Variants in HNRNPR observed in about 807,000 individuals in gnomAD.
HNRNPR encodes the protein heterogeneous nuclear ribonucleoprotein R.
A neutral mutation model predicts 70.3 loss-of-function variants in HNRNPR; 4 were observed. That is an observed-to-expected ratio of 0.06 (90% CI 0.03 to 0.13). The LOEUF is 0.13. HNRNPR is among the 10% of genes least tolerant of loss of function. The probability of loss-of-function intolerance (pLI) is 1.00; values close to 1 mark genes in which losing one functional copy is unlikely to be tolerated. For synonymous variants in HNRNPR, 241 were observed against 267.6 expected (o/e 0.90, Z 0.97); for missense variants, 423 against 788.5 (o/e 0.54, Z 5.55).
chr1:23,336,838 G>C (rs1646512872), intron 4 of HNRNPR, among the ~76,000 whole-genome samples: 1 of 151,568 alleles, frequency 6.6e-6, no homozygotes, highest in African/African-American at 2.4e-5. Context: ...TAAGGAATTA[G>C]GTTCACTGGT....
intron 5 of HNRNPR, among the ~76,000 whole-genome samples, chr1:23,331,332 TGG>T (rs142936859): frequency 0.04 from 5,816 of 145,650 alleles, 364 homozygotes; most frequent in African/African-American, 0.14. Context: ...GAGACCAAAG[TGG>T]GAAGATCACT....
At chr1:23,324,190 A>G (rs1645869346) in intron 5 of HNRNPR, among the ~76,000 whole-genome samples, 1 of 151,732 alleles carries the variant, frequency 6.6e-6, no homozygotes, top group Non-Finnish European at 1.5e-5. Flanking sequence ...TAAAAATAAA[A>G]ATGAATAAAA....
chr1:23,343,507 C>A (rs1203101463), intron 1 of HNRNPR, among the ~76,000 whole-genome samples: 1 of 152,222 alleles, frequency 6.6e-6, no homozygotes, highest in Non-Finnish European at 1.5e-5. Context: ...AATACGGCCA[C>A]TACCGTGTAA....
intron 8 of HNRNPR, among the ~76,000 whole-genome samples, chr1:23,313,942 C>T (rs1477737004): frequency 6.6e-6 from 1 of 152,080 alleles, no homozygotes; most frequent in African/African-American, 2.4e-5. Flanking sequence ...TGAGTAGAAC[C>T]TTCAAGGAAC....
chr1:23,331,404 T>TGAAAAAAAAAAA (rs1646216263), intron 5 of HNRNPR, among the ~76,000 whole-genome samples: 1 of 13,458 alleles, frequency 7.4e-5, no homozygotes, highest in African/African-American at 1.8e-4. Flanking sequence ...CCACAAAAAA[T>TGAAAAAAAAAAA]TAAAAAAAAA....
chr1:23,319,190 T>C (rs1440025066), intron 7 of HNRNPR, among the ~76,000 whole-genome samples: 1 of 152,230 alleles, frequency 6.6e-6, no homozygotes, highest in Non-Finnish European at 1.5e-5. Flanking sequence ...TCTTTCTAAA[T>C]AATGTCAGCT....
chr1:23,321,707 T>C lies in HNRNPR; in HGVS notation c.676-44A>G, dbSNP rs754725819. 5.8e-6 allele frequency: 9 copies of C among 1,559,662 alleles called. No individual in the cohort carries two copies. The Admixed American group carries it at 9.9e-5, about 17-fold the overall frequency. On this transcript the variant is annotated intron_variant, in intron 6 of 10. Transcript: ENST00000302271. ...CAGAGACCCCAAAACCACCCCAAACTCAGGACAATTGATCTTAATCTAAAA... is the reference window on the plus strand; with the variant it reads ...CAGAGACCCCAAAACCACCCCAAACCCAGGACAATTGATCTTAATCTAAAA...
rs1645251470 is a variant in HNRNPR, at chr1:23,309,172, G to A, written c.*1282C>T. The A allele has an allele frequency of 6.6e-6, 1 of 152,068 alleles. No homozygotes were observed. The highest frequency in any genetic ancestry group is 1.5e-5 in the Non-Finnish European group (1 of 67,958). 9.4% of individuals were successfully genotyped at this position (152,068 alleles called of 1,614,324 possible). On this transcript the variant is annotated 3_prime_UTR_variant, in exon 11 of 11. Coordinates refer to ENST00000302271, the MANE Select transcript of HNRNPR (RefSeq NM_005826.5). Reference sequence around the variant, plus strand: ...AAAATAAACGAAGTGTTAACAGAAAGTCAAAGGTATTACTACTGGATATTT... The same window carrying A: ...AAAATAAACGAAGTGTTAACAGAAAATCAAAGGTATTACTACTGGATATTT...
intron 1 of HNRNPR, among the ~76,000 whole-genome samples, chr1:23,343,520 A>G (rs1646783292): frequency 6.6e-6 from 1 of 152,222 alleles, no homozygotes; most frequent in Admixed American, 6.5e-5. Flanking sequence ...CCGTGTAAGA[A>G]AAAGGATCGC....
At chr1:23,343,746 T>C (rs1350082663) in intron 1 of HNRNPR, among the ~76,000 whole-genome samples, 2 of 152,220 alleles carry the variant, frequency 1.3e-5, no homozygotes, top group Non-Finnish European at 2.9e-5. Flanking sequence ...CCCTGGGATC[T>C]GCACCCCGCC....
intron 2 of HNRNPR, among the ~76,000 whole-genome samples, chr1:23,338,924 A>G (rs1646606858): frequency 6.6e-6 from 1 of 152,238 alleles, no homozygotes; most frequent in African/African-American, 2.4e-5. Context: ...TGATGTACAT[A>G]CTGTATTACA....
At chr1:23,315,494 A>G (rs906205627) in intron 8 of HNRNPR, among the ~76,000 whole-genome samples, 3 of 152,066 alleles carry the variant, frequency 2.0e-5, no homozygotes, top group African/African-American at 7.3e-5. Flanking sequence ...AAGGTAGATC[A>G]GTGGATATGG....
At position 23,310,454 on chromosome 1, in the gene HNRNPR, C is replaced by T; in HGVS notation, c.1902G>A (p.Ter634=). 6.3e-7 allele frequency: 1 copy of T among 1,585,528 alleles called. No individual in the cohort carries two copies. The highest frequency in any genetic ancestry group is 8.6e-7 in the Non-Finnish European group (1 of 1,165,956). The stretch of plus-strand genomic sequence containing the variant: ...GTATCATTTTCAAGCCCTTACTTGT[C>T]TACTTCCACTGTTGCCCATAAGTAT... The part of the protein sequence containing the change: ...YQDTYGQQWK[*] The change falls in exon 11 of 11, where the codon TAG becomes TAA. Residue 634 remains the stop codon, a stop_retained_variant. Coordinates refer to ENST00000302271, the MANE Select transcript of HNRNPR (RefSeq NM_005826.5). The surrounding 1 kb of genome is among the most constrained non-coding windows in gnomAD (Gnocchi z 6.0).
chr1:23,338,848 C>T (rs1646603403), intron 2 of HNRNPR, among the ~76,000 whole-genome samples: 2 of 152,118 alleles, frequency 1.3e-5, no homozygotes, highest in Non-Finnish European at 2.9e-5. Flanking sequence ...ATCCACAAAC[C>T]TCCCCCGCCA....
intron 5 of HNRNPR, among the ~76,000 whole-genome samples, chr1:23,326,398 C>A (rs917717287): frequency 8.5e-5 from 13 of 152,160 alleles, no homozygotes; most frequent in Non-Finnish European, 1.6e-4. Context: ...CACACAGCAT[C>A]TATGTTCTCT....
At position 23,309,627 on chromosome 1, in the gene HNRNPR, A is replaced by C. The variant is rs1645262777; in HGVS notation, c.*827T>G. The C allele has an allele frequency of 6.6e-6, 1 of 152,604 alleles. No individual in the cohort carries two copies. Among genetic ancestry groups the C allele is most frequent in the Non-Finnish European group, 1.5e-5 (1 of 68,008 alleles). The allele number at this position is 152,604 out of a possible 1,614,324, so 9.5% of individuals were successfully genotyped here. On this transcript the variant is annotated 3_prime_UTR_variant, in exon 11 of 11. Transcript: ENST00000302271. ...TGGAATAAATACTTGAATTTAGACT[A>C]ATCCTCAGTCTAATATCCACAACAC...
At chr1:23,333,383 T>C (rs1191496821) in intron 5 of HNRNPR, 135 bp downstream of exon 5, 2 of 577,014 alleles carry the variant, frequency 3.5e-6, no homozygotes, top group Non-Finnish European at 3.1e-6. Context: ...AAAATACAAA[T>C]GGATATCTAA....
Position 23,310,444 on chromosome 1 carries a change from C to T in HNRNPR, c.*10G>A, listed in dbSNP as rs777943935. ...TATCTTGCCAGTATCATTTTCAAGCCCTTACTTGTCTACTTCCACTGTTGC... is the reference window on the plus strand; with the variant it reads ...TATCTTGCCAGTATCATTTTCAAGCTCTTACTTGTCTACTTCCACTGTTGC... On this transcript the variant is annotated 3_prime_UTR_variant, in exon 11 of 11. Transcript: ENST00000302271. The surrounding 1 kb of genome is among the most constrained non-coding windows in gnomAD (Gnocchi z 6.0). 6.4e-7 allele frequency: 1 copy of T among 1,572,136 alleles called. No homozygotes were observed. Among genetic ancestry groups the T allele is most frequent in the Non-Finnish European group, 8.6e-7 (1 of 1,159,868 alleles).
At chr1:23,323,976 T>G (rs760614959) in intron 5 of HNRNPR, among the ~76,000 whole-genome samples, 1 of 152,070 alleles carries the variant, frequency 6.6e-6, no homozygotes, top group Non-Finnish European at 1.5e-5. Context: ...TTGTATTTAC[T>G]CTAAATTTTA....
Sources: gnomAD v4.1 joint callset for allele counts (sites outside exome capture counted in the v4.1 genomes callset) on GRCh38, gnomAD v4.1.1 for gene constraint, Gnocchi (gnomAD v3.1) non-coding constraint, MANE v1.5 for transcripts, NCBI Gene and HGNC (gene_info 2026-07-23, HGNC 2026-07-21) for gene names.